PPP1R9A: variants seen among roughly 807,000 people sequenced by gnomAD.
The protein encoded by PPP1R9A is neurabin-1.
A neutral mutation model predicts 141.9 loss-of-function variants in PPP1R9A; 59 were observed. The ratio of observed to expected loss-of-function variants is 0.42; its 90% confidence interval spans 0.34 to 0.52. The LOEUF is 0.52. Among genes scored for constraint, PPP1R9A ranks in the 20% least tolerant of loss-of-function variants. The pLI is 0.10. For missense variants in PPP1R9A, 1,444 were observed against 1,611.9 expected, an observed-to-expected ratio of 0.90 and a Z score of 1.78; for synonymous variants, 500 against 569.7, an observed-to-expected ratio of 0.88 and a Z score of 1.74.
chr7:94,929,827 G>GA (rs2150816842), intron 2 of PPP1R9A, among the ~76,000 whole-genome samples: 1 of 152,282 alleles, frequency 6.6e-6, no homozygotes, highest in East Asian at 1.9e-4. Context: ...AATGGAGGCT[G>GA]AAACAGGCAA....
chr7:94,980,656 A>G (rs553337502), intron 2 of PPP1R9A, among the ~76,000 whole-genome samples: 23 of 150,258 alleles, frequency 1.5e-4, no homozygotes, highest in African/African-American at 5.4e-4. Context: ...TGATTTCATA[A>G]CCCTTACTGA....
intron 2 of PPP1R9A, among the ~76,000 whole-genome samples, chr7:94,927,833 T>G (rs1272742877): frequency 6.6e-6 from 1 of 152,216 alleles, no homozygotes; most frequent in African/African-American, 2.4e-5. Context: ...TTATTATTAC[T>G]GTCTTTAAAA....
intron 2 of PPP1R9A, among the ~76,000 whole-genome samples, chr7:95,046,683 G>A (rs1810064047): frequency 6.6e-6 from 1 of 152,156 alleles, no homozygotes; most frequent in African/African-American, 2.4e-5. Context: ...TAGCTATGGG[G>A]ACATCAGCTG....
intron 2 of PPP1R9A, among the ~76,000 whole-genome samples, chr7:94,922,623 T>G (rs1792987350): frequency 6.6e-6 from 1 of 152,206 alleles, no homozygotes; most frequent in South Asian, 2.1e-4. Flanking sequence ...AAATACTTCA[T>G]AGTAAAAAGT....
intron 2 of PPP1R9A, among the ~76,000 whole-genome samples, chr7:95,025,893 G>A (rs1385642903): frequency 2.0e-5 from 3 of 152,028 alleles, no homozygotes; most frequent in African/African-American, 7.2e-5. Flanking sequence ...TATAATTCAC[G>A]AAGTTCTTGG....
intron 18 of PPP1R9A, 49 bp from the exon 19 acceptor site, chr7:95,288,487 C>G: frequency 6.3e-7 from 1 of 1,585,008 alleles, no homozygotes; most frequent in Non-Finnish European, 8.6e-7. Context: ...ATAATATGAG[C>G]CATAGTATCT....
intron 5 of PPP1R9A, among the ~76,000 whole-genome samples, chr7:95,194,791 C>T (rs949933466): frequency 6.7e-6 from 1 of 148,638 alleles, no homozygotes; most frequent in Admixed American, 6.7e-5. Context: ...ATACTGAAAA[C>T]CATAGTATAT....
At chr7:95,007,405 G>C (rs893043687) in intron 2 of PPP1R9A, among the ~76,000 whole-genome samples, 29 of 152,148 alleles carry the variant, frequency 1.9e-4, no homozygotes, top group Non-Finnish European at 2.5e-4. Context: ...AATGTCTTAA[G>C]ATGACGTTGC....
intron 5 of PPP1R9A, among the ~76,000 whole-genome samples, chr7:95,171,850 A>G (rs2152751601): frequency 6.6e-6 from 1 of 151,742 alleles, no homozygotes; most frequent in Admixed American, 6.6e-5. Context: ...TAATTTTTAA[A>G]AGGCATTAAA....
At chr7:95,219,934 T>C (rs1794161500) in intron 7 of PPP1R9A, among the ~76,000 whole-genome samples, 1 of 152,082 alleles carries the variant, frequency 6.6e-6, no homozygotes, top group South Asian at 2.1e-4. Context: ...AAATAAGGGA[T>C]GGTGAAAACA....
intron 2 of PPP1R9A, among the ~76,000 whole-genome samples, chr7:95,047,488 C>T (rs1200318766): frequency 6.6e-6 from 1 of 152,094 alleles, no homozygotes; most frequent in Admixed American, 6.6e-5. Context: ...ATTGTTTATT[C>T]ACAGTAAAGA....
At chr7:94,971,041 A>T (rs1798803478) in intron 2 of PPP1R9A, among the ~76,000 whole-genome samples, 1 of 152,134 alleles carries the variant, frequency 6.6e-6, no homozygotes, top group Non-Finnish European at 1.5e-5. Flanking sequence ...AATTTGTGTA[A>T]GAACTTGGGG....
At chr7:94,938,931 T>G (rs553314328) in intron 2 of PPP1R9A, among the ~76,000 whole-genome samples, 1 of 152,332 alleles carries the variant, frequency 6.6e-6, no homozygotes, top group East Asian at 1.9e-4. Flanking sequence ...ACGCTATTCC[T>G]GTGTTTTTAA....
intron 7 of PPP1R9A, among the ~76,000 whole-genome samples, chr7:95,211,234 T>C (rs993333194): frequency 1.3e-5 from 2 of 152,098 alleles, no homozygotes; most frequent in Non-Finnish European, 2.9e-5. Flanking sequence ...ACTCTCAGTT[T>C]GAGATGGGTC....
chr7:95,148,586 G>A (rs1437394252), intron 4 of PPP1R9A, among the ~76,000 whole-genome samples: 3 of 150,976 alleles, frequency 2.0e-5, no homozygotes, highest in Non-Finnish European at 2.9e-5. Flanking sequence ...GCTCATGCCT[G>A]TAAACTCAGC....
intron 2 of PPP1R9A, among the ~76,000 whole-genome samples, chr7:94,931,750 G>GT (rs112663046): frequency 2.6e-5 from 4 of 152,192 alleles, no homozygotes; most frequent in African/African-American, 9.6e-5. Flanking sequence ...GGCTAATTTC[G>GT]TATTTTTAGT....
intron 4 of PPP1R9A, among the ~76,000 whole-genome samples, chr7:95,150,525 G>A (rs149158077): frequency 0.01 from 1,533 of 152,160 alleles, 21 homozygotes; most frequent in African/African-American, 0.036. Flanking sequence ...TGCTGATCTC[G>A]AACTCCTGAC....
intron 8 of PPP1R9A, among the ~76,000 whole-genome samples, chr7:95,239,766 TA>T (rs1363778091): frequency 2.0e-5 from 3 of 151,584 alleles, no homozygotes; most frequent in Admixed American, 2.0e-4. Context: ...AAGGACAAAA[TA>T]AAAATTAAAA....
chr7:95,175,013 A>G (rs1430586375), intron 5 of PPP1R9A: 1 of 152,180 alleles, frequency 6.6e-6, no homozygotes, highest in Non-Finnish European at 1.5e-5. Flanking sequence ...CTCTCACAAC[A>G]TGAAAACTGG....
Sources: gnomAD v4.1 joint callset for allele counts (sites outside exome capture counted in the v4.1 genomes callset) on GRCh38, gnomAD v4.1.1 for gene constraint, MANE v1.5 for transcripts, NCBI Gene and HGNC (gene_info 2026-07-23, HGNC 2026-07-21) for gene names.